Variants in APOO observed in about 807,000 individuals in gnomAD.
APOO encodes MICOS complex subunit MIC26.
A neutral mutation model predicts 23.1 loss-of-function variants in APOO; 11 were observed. The observed-to-expected ratio is 0.48, with a 90% confidence interval of 0.30 to 0.79. APOO has a LOEUF of 0.79. APOO is among the 30% of genes least tolerant of loss of function. The pLI, the probability that APOO is intolerant of heterozygous loss-of-function variation, is 0.07. For missense variants in APOO, 160 were observed against 142.7 expected (o/e 1.12, Z -0.62); for synonymous variants, 59 against 54.8 (o/e 1.08, Z -0.34).
intron 1 of APOO, among the ~76,000 whole-genome samples, chrX:23,881,817 G>A (rs995674779): frequency 5.4e-4 from 56 of 102,912 alleles, no homozygotes; most frequent in African/African-American, 1.7e-3. Flanking sequence ...GCGTGGTGGC[G>A]GGCACCTGTA....
At chrX:23,881,913 A>G (rs1194373781) in intron 1 of APOO, among the ~76,000 whole-genome samples, 1 of 86,610 alleles carries the variant, frequency 1.2e-5, no homozygotes, top group Non-Finnish European at 2.1e-5. Flanking sequence ...GTGCCACCGC[A>G]CTCCAGCCTG....
At chrX:23,842,038 T>C (rs1924008191) in intron 7 of APOO, among the ~76,000 whole-genome samples, 1 of 111,365 alleles carries the variant, frequency 9.0e-6, no homozygotes, top group Non-Finnish European at 1.9e-5. Flanking sequence ...GTAAGCTTCA[T>C]GAGGGCACAA....
chrX:23,860,295 C>A (rs1468345985), intron 5 of APOO, among the ~76,000 whole-genome samples: 2 of 110,390 alleles, frequency 1.8e-5, no homozygotes, highest in Non-Finnish European at 3.8e-5. Context: ...GATGCATGGA[C>A]CAGCATGGCC....
intron 1 of APOO, among the ~76,000 whole-genome samples, chrX:23,903,326 C>A (rs765100390): frequency 1.8e-5 from 2 of 108,304 alleles, no homozygotes; most frequent in African/African-American, 6.8e-5. Context: ...GCAGAAACTG[C>A]GCCACTGTAC....
At chrX:23,853,608 GTTTT>G (rs367944878) in intron 7 of APOO, among the ~76,000 whole-genome samples, 7,122 of 101,744 alleles carry the variant, frequency 0.07, 592 homozygotes, top group African/African-American at 0.22. Context: ...GAGCCCGACC[GTTTT>G]TTTTTTTTGT....
At chrX:23,838,620 A>G (rs1923827052) in intron 8 of APOO, among the ~76,000 whole-genome samples, 1 of 106,786 alleles carries the variant, frequency 9.4e-6, no homozygotes. Context: ...GGCTTTCACC[A>G]TGTTGGCCAG....
intron 7 of APOO, among the ~76,000 whole-genome samples, chrX:23,841,130 C>A (rs1002254792): frequency 8.9e-6 from 1 of 111,795 alleles, no homozygotes; most frequent in Non-Finnish European, 1.9e-5. Context: ...GGCTAAGATT[C>A]TGTTGTATAG....
intron 8 of APOO, among the ~76,000 whole-genome samples, chrX:23,838,235 A>T (rs1923791175): frequency 1.0e-5 from 1 of 98,309 alleles, no homozygotes; most frequent in Non-Finnish European, 2.0e-5. Context: ...CATGCCTGTA[A>T]TCCCAGCTAC....
intron 7 of APOO, among the ~76,000 whole-genome samples, chrX:23,845,618 A>G (rs759467687): frequency 3.5e-5 from 4 of 112,685 alleles, no homozygotes; most frequent in Non-Finnish European, 5.6e-5. Flanking sequence ...TTCTGTGATT[A>G]GCTTACTTCA....
intron 1 of APOO, among the ~76,000 whole-genome samples, chrX:23,903,227 G>C (rs1927206470): frequency 9.0e-6 from 1 of 110,872 alleles, no homozygotes. Context: ...AAATTAGCTG[G>C]GCATGGTGGC....
At chrX:23,855,638 C>T (rs376545266) in intron 7 of APOO, among the ~76,000 whole-genome samples, 18 of 111,690 alleles carry the variant, frequency 1.6e-4, no homozygotes, top group African/African-American at 5.5e-4. Context: ...TCTACTCATT[C>T]TTCCTTATCA....
chrX:23,848,971 C>G (rs1165299071), intron 7 of APOO, among the ~76,000 whole-genome samples: 1 of 108,077 alleles, frequency 9.3e-6, no homozygotes, highest in African/African-American at 3.4e-5. Flanking sequence ...ATTCTCCTGC[C>G]TCAGCCTCCT....
At chrX:23,864,136 CAG>C (rs769716624) in intron 5 of APOO, among the ~76,000 whole-genome samples, 1 of 109,238 alleles carries the variant, frequency 9.2e-6, no homozygotes, top group Non-Finnish European at 1.9e-5. Context: ...TCTGGGATTA[CAG>C]GTATGCGCCA....
intron 1 of APOO, among the ~76,000 whole-genome samples, chrX:23,891,883 T>C (rs1926671483): frequency 9.2e-6 from 1 of 108,468 alleles, no homozygotes; most frequent in South Asian, 3.7e-4. Context: ...CTTAAAAATA[T>C]AGTTTATATA....
chrX:23,882,907 A>C (rs1926210051), intron 1 of APOO, among the ~76,000 whole-genome samples: 1 of 110,804 alleles, frequency 9.0e-6, no homozygotes, highest in Admixed American at 9.7e-5. Flanking sequence ...GCGGCCTCCC[A>C]AAGTGCTGGG....
intron 6 of APOO, among the ~76,000 whole-genome samples, chrX:23,858,282 G>A (rs1924864487): frequency 9.0e-6 from 1 of 111,457 alleles, no homozygotes; most frequent in Admixed American, 9.6e-5. Flanking sequence ...ATACCAACGA[G>A]AGCAGGTTGT....
At chrX:23,873,443 C>T (rs1233777177) in intron 4 of APOO, among the ~76,000 whole-genome samples, 1 of 110,624 alleles carries the variant, frequency 9.0e-6, no homozygotes, top group Non-Finnish European at 1.9e-5. Context: ...CCTGTCTCTA[C>T]TAAAAATACA....
At chrX:23,891,187 CCTCTT>C (rs1926635317) in intron 1 of APOO, among the ~76,000 whole-genome samples, 1 of 111,129 alleles carries the variant, frequency 9.0e-6, no homozygotes, top group Non-Finnish European at 1.9e-5. Context: ...TTAACTCTCT[CCTCTT>C]CTCACTCCAG....
chrX:23,859,823 G>A (rs1924938712), intron 5 of APOO, among the ~76,000 whole-genome samples: 1 of 111,486 alleles, frequency 9.0e-6, no homozygotes, highest in Non-Finnish European at 1.9e-5. Context: ...AGCACCAAGT[G>A]TTTTCAAAAG....
Sources: allele counts gnomAD v4.1 joint callset (sites outside exome capture counted in the v4.1 genomes callset), GRCh38; gene constraint gnomAD v4.1.1; transcripts MANE v1.5; gene names NCBI Gene and HGNC (gene_info 2026-07-23, HGNC 2026-07-21).